The following SYPL1 variants were observed in gnomAD, a reference collection of about 807,000 sequenced individuals.
SYPL1 encodes the protein synaptophysin-like protein 1.
A neutral mutation model predicts 23.7 loss-of-function variants in SYPL1; 6 were observed. The ratio of observed to expected loss-of-function variants is 0.25; its 90% CI spans 0.14 to 0.50. The LOEUF (loss-of-function observed/expected upper bound fraction) is 0.50. SYPL1 is among the 20% of genes least tolerant of loss of function. The pLI, the probability that SYPL1 is intolerant of heterozygous loss-of-function variation, is 0.98. For synonymous variants in SYPL1, 102 were observed against 104.5 expected (o/e 0.98, Z 0.15); for missense variants, 253 against 288.9 (o/e 0.88, Z 0.90).
chr7:106,102,110 T>G (rs80201541), intron 1 of SYPL1, among the ~76,000 whole-genome samples: 2 of 151,928 alleles, frequency 1.3e-5, no homozygotes, highest in Admixed American at 1.3e-4. Context: ...TTTTTTTTTT[T>G]GAGACACAGT....
At position 106,097,564 on chromosome 7, in the gene SYPL1, G is replaced by A. The variant is rs982697055; in HGVS notation, c.402+126C>T. The A allele has an allele frequency of 2.1e-5, 16 of 777,386 alleles. No homozygotes were observed. The highest frequency in any genetic ancestry group is 2.6e-5 in the Non-Finnish European group (14 of 529,270). 48.2% of individuals were successfully genotyped at this position (777,386 alleles called of 1,614,324 possible). ...ACTTAATGGGAGAAAGCTCAACCTC[G>A]TGGCAAACACAGGCTAAAATATGCT... On this transcript the variant is annotated intron_variant, in intron 3 of 4. Coordinates refer to ENST00000455385, the MANE Select transcript of SYPL1 (RefSeq NM_182715.4). The surrounding 1 kb of genome is among the most constrained non-coding windows in gnomAD (Gnocchi z 4.6).
At chr7:106,112,109 G>A (rs2240473) in intron 1 of SYPL1, 31 bp downstream of exon 1, 643,802 of 1,407,946 alleles carry the variant, frequency 0.46, 148,966 homozygotes, top group Middle Eastern at 0.58. Context: ...CCGAGCGGCA[G>A]GCGGGCCTGG....
intron 1 of SYPL1, among the ~76,000 whole-genome samples, chr7:106,101,893 T>C (rs1459259998): frequency 6.6e-6 from 1 of 152,132 alleles, no homozygotes; most frequent in African/African-American, 2.4e-5. Context: ...AGAGTTGATT[T>C]GTAGATCACG....
rs185235544 is a variant in SYPL1 at position 106,104,786 on chromosome 7, G to A, written c.70-5504C>T. Among the ~76,000 whole-genome samples, 4 of 152,184 alleles carry A rather than the reference G, an allele frequency of 2.6e-5. No individual in the cohort carries two copies. The highest frequency in any genetic ancestry group is 2.0e-4 in the Admixed American group (3 of 15,276). ...TTAAACAAAGTACAAAATTATGAGG[G>A]CAAAATATCCAACTATCTCACTTCT... On this transcript the variant is annotated intron_variant, in intron 1 of 4. Coordinates refer to ENST00000455385, the MANE Select transcript of SYPL1 (RefSeq NM_182715.4). This position sits in a 1 kb window ranked among gnomAD's most constrained non-coding sequence, Gnocchi z 4.1.
At position 106,109,609 on chromosome 7, in the gene SYPL1, C is replaced by T. The variant is rs1250649655; in HGVS notation, c.69+2531G>A. 3.3e-5 allele frequency among the ~76,000 whole-genome samples: 5 copies of T among 152,076 alleles called. No homozygotes were observed. The highest frequency in any genetic ancestry group is 7.4e-5 in the Non-Finnish European group (5 of 68,010). ...ATATATAGCTGTATCCTATAGGATA[C>T]CTCCAAAAGATCTAAAGAGACCACA... is the stretch of plus-strand genomic sequence containing the variant. On this transcript the variant is annotated intron_variant, in intron 1 of 4. Coordinates refer to ENST00000455385, the MANE Select transcript of SYPL1 (RefSeq NM_182715.4). This position sits in a 1 kb window ranked among gnomAD's most constrained non-coding sequence, Gnocchi z 4.3.
At chr7:106,110,739 G>A (rs6952509) in intron 1 of SYPL1, among the ~76,000 whole-genome samples, 1,596 of 150,002 alleles carry the variant, frequency 0.011, 28 homozygotes, top group African/African-American at 0.037. Flanking sequence ...TAAGGAAAAA[G>A]CTAAGTCTAC....
rs1383562945 is a variant in SYPL1, at chr7:106,095,502, C to G, written c.402+2188G>C. 1.3e-5 allele frequency among the ~76,000 whole-genome samples: 2 copies of G among 152,044 alleles called. No individual in the cohort carries two copies. The highest frequency in any genetic ancestry group is 4.8e-5 in the African/African-American group (2 of 41,390). On this transcript the variant is annotated intron_variant, in intron 3 of 4. Coordinates refer to ENST00000455385, the MANE Select transcript of SYPL1 (RefSeq NM_182715.4). The surrounding 1 kb of genome is among the most constrained non-coding windows in gnomAD (Gnocchi z 4.3). Reference sequence around the variant, plus strand: ...TAGCTGGGATTACAGGTGCCCACCACCATGTCCAGCTAATTTTTGTATTTT... The same window carrying G: ...TAGCTGGGATTACAGGTGCCCACCAGCATGTCCAGCTAATTTTTGTATTTT...
rs913120263 is a variant in SYPL1, at chr7:106,107,863, A to C, written c.69+4277T>G. On this transcript the variant is annotated intron_variant, in intron 1 of 4. Coordinates refer to ENST00000455385, the MANE Select transcript of SYPL1 (RefSeq NM_182715.4). Reference sequence around the variant, plus strand: ...TGTATGTTGAAAACACATTTATGTCACCTTAAATCTCTGAGGAACCTAAAT... The same window carrying C: ...TGTATGTTGAAAACACATTTATGTCCCCTTAAATCTCTGAGGAACCTAAAT... Among the ~76,000 whole-genome samples the C allele has an allele frequency of 4.6e-5, 7 of 152,164 alleles. 1 individual carries two copies. The highest frequency in any genetic ancestry group is 6.8e-3 in the Middle Eastern group (2 of 294).
At chr7:106,107,658 C>T (rs961339912) in intron 1 of SYPL1, among the ~76,000 whole-genome samples, 7 of 149,104 alleles carry the variant, frequency 4.7e-5, no homozygotes, top group Admixed American at 2.7e-4. Context: ...AGGAGAATCA[C>T]TTGAACCTGG....
At chr7:106,092,241 C>T (rs1363947296) in intron 4 of SYPL1, among the ~76,000 whole-genome samples, 2 of 152,146 alleles carry the variant, frequency 1.3e-5, no homozygotes, top group Non-Finnish European at 2.9e-5. Flanking sequence ...GAATGATTAT[C>T]AACTGCTTGT....
chr7:106,101,438 GCCCCCCCCCCCCCCCCCCCCC>G (rs202082361), intron 1 of SYPL1, among the ~76,000 whole-genome samples: 1 of 132,182 alleles, frequency 7.6e-6, no homozygotes, highest in African/African-American at 3.2e-5. Flanking sequence ...TTTCCCATCC[GCCCCCCCCCCCCCCCCCCCCC>G]CCCCCCCCAC....
intron 4 of SYPL1, 170 bp downstream of exon 4, chr7:106,092,779 T>C: frequency 1.6e-6 from 1 of 618,524 alleles, no homozygotes; most frequent in Non-Finnish European, 2.7e-6. Context: ...CAGGTAATAC[T>C]TTTTTTAGAC....
At chr7:106,102,089 A>C (rs904078703) in intron 1 of SYPL1, among the ~76,000 whole-genome samples, 10 of 143,574 alleles carry the variant, frequency 7.0e-5, no homozygotes, top group Non-Finnish European at 1.2e-4. Context: ...TTATAAAAAG[A>C]TTACAACTTT....
chr7:106,097,719 A>G lies in SYPL1; in HGVS notation c.373T>C (p.Tyr125His). 1 of 1,613,662 alleles carries G rather than the reference A, an allele frequency of 6.2e-7. No individual in the cohort carries two copies. The highest frequency in any genetic ancestry group is 8.5e-7 in the Non-Finnish European group (1 of 1,179,706). ...ATAGGAAGTTTACGACTATCCAGAT[A>G]CAGACTCGTGTAGCCAACATAAAGC... ...LLLYVGYTSLYLDSRKLPMID... is the reference protein window; with the variant it reads ...LLLYVGYTSLHLDSRKLPMID... The change falls in exon 3 of 5, where the codon TAT becomes CAT. Residue 125 changes from tyrosine (Y) to histidine (H), a missense_variant. By Grantham distance (83) the Tyr-to-His change is moderately conservative. Coordinates refer to ENST00000455385, the MANE Select transcript of SYPL1 (RefSeq NM_182715.4). The surrounding 1 kb of genome is among the most constrained non-coding windows in gnomAD (Gnocchi z 4.6).
chr7:106,112,355 G>A (rs1790215544), upstream of SYPL1: 4 of 1,280,290 alleles, frequency 3.1e-6, no homozygotes, highest in East Asian at 3.2e-5. Flanking sequence ...CGTGGGGCGG[G>A]GCGGGGCGGA....
chr7:106,106,703 GGGGT>G (rs1840624744), intron 1 of SYPL1, among the ~76,000 whole-genome samples: 1 of 152,000 alleles, frequency 6.6e-6, no homozygotes, highest in Admixed American at 6.5e-5. Context: ...GAAGTAGCTG[GGGGT>G]GGTGGTGTGT....
At chr7:106,101,422 T>G (rs1353934719) in intron 1 of SYPL1, among the ~76,000 whole-genome samples, 3 of 119,714 alleles carry the variant, frequency 2.5e-5, no homozygotes, top group Non-Finnish European at 5.2e-5. Flanking sequence ...TGTCAAGGGT[T>G]TGTTTTTTCC....
At chr7:106,099,044 G>C in intron 2 of SYPL1, 114 bp downstream of exon 2, 1 of 1,302,004 alleles carries the variant, frequency 7.7e-7, no homozygotes. Flanking sequence ...ACTTACAAAT[G>C]AGCATACAGT....
intron 3 of SYPL1, among the ~76,000 whole-genome samples, chr7:106,094,625 A>G (rs1265524533): frequency 1.3e-5 from 2 of 152,196 alleles, no homozygotes; most frequent in Admixed American, 6.5e-5. Context: ...GACATTTTCT[A>G]AACGCTTGCT....
Sources: allele counts gnomAD v4.1 joint callset (sites outside exome capture counted in the v4.1 genomes callset), GRCh38; gene constraint gnomAD v4.1.1; non-coding constraint Gnocchi (gnomAD v3.1); transcripts MANE v1.5; gene names NCBI Gene and HGNC (gene_info 2026-07-23, HGNC 2026-07-21).